SYNJ2: variants seen among roughly 807,000 people sequenced by gnomAD.
SYNJ2 encodes the protein synaptojanin 2.
Under a neutral mutation model 141.3 loss-of-function variants are expected in SYNJ2, and 116 were observed. The observed-to-expected ratio is 0.82, with a 90% CI of 0.71 to 0.96. The LOEUF (loss-of-function observed/expected upper bound fraction) is 0.96. Ranked by LOEUF, SYNJ2 falls within the 40% of genes least tolerant of loss-of-function variation. The probability of loss-of-function intolerance (pLI) is 0.00; values close to 1 mark genes in which losing one functional copy is unlikely to be tolerated. For missense variants in SYNJ2, 1,873 were observed against 1,934.8 expected, an observed-to-expected ratio of 0.97 and a Z score of 0.60; for synonymous variants, 745 against 777.7, an observed-to-expected ratio of 0.96 and a Z score of 0.70.
intron 11 of SYNJ2, among the ~76,000 whole-genome samples, chr6:158,065,833 A>G (rs1045079951): frequency 4.6e-5 from 7 of 152,236 alleles, no homozygotes; most frequent in African/African-American, 9.6e-5. Context: ...ATAGCAAGGC[A>G]GACATGAGTT....
At chr6:158,016,783 C>T (rs1778476644) in intron 1 of SYNJ2, among the ~76,000 whole-genome samples, 1 of 152,198 alleles carries the variant, frequency 6.6e-6, no homozygotes, top group Non-Finnish European at 1.5e-5. Context: ...ACTCAGGCAC[C>T]TCTGCCCAGT....
intron 2 of SYNJ2, among the ~76,000 whole-genome samples, chr6:158,022,078 G>A (rs572127680): frequency 1.5e-3 from 222 of 152,326 alleles, no homozygotes; most frequent in Non-Finnish European, 2.4e-3. Flanking sequence ...AGACCATGCC[G>A]CATGGGCACA....
intron 4 of SYNJ2, among the ~76,000 whole-genome samples, chr6:158,042,377 C>G (rs923849801): frequency 6.6e-6 from 1 of 152,232 alleles, no homozygotes; most frequent in African/African-American, 2.4e-5. Flanking sequence ...CAGAATGACT[C>G]ATTCCTGTGT....
rs573785636 is a variant in SYNJ2, at chr6:158,060,127, C to T, written c.954+774C>T. Among the ~76,000 whole-genome samples, 9 of 152,306 alleles carry T rather than the reference C, an allele frequency of 5.9e-5. No homozygotes were observed. The East Asian group carries it at 7.7e-4, about 13-fold the overall frequency. On this transcript the variant is annotated intron_variant, in intron 7 of 26. Transcript: ENST00000355585. ...ACTTCGGTGGCTTTCCCCTGCTTGCCGGCTGGCCTTCAAATTTCCCCCTCT... is the reference window on the plus strand; with the variant it reads ...ACTTCGGTGGCTTTCCCCTGCTTGCTGGCTGGCCTTCAAATTTCCCCCTCT...
intron 2 of SYNJ2, chr6:158,017,821 C>A (rs762299931): frequency 3.8e-6 from 2 of 528,590 alleles, no homozygotes; most frequent in South Asian, 2.8e-5. Context: ...TTGTCACCTG[C>A]CTGTGCTGGG....
intron 2 of SYNJ2, 144 bp downstream of exon 2, chr6:158,017,434 G>A (rs780362700): frequency 3.6e-5 from 41 of 1,130,302 alleles, no homozygotes; most frequent in Non-Finnish European, 4.4e-5. Flanking sequence ...TTTTCTCCGA[G>A]ATAGAGTTTT....
intron 9 of SYNJ2, among the ~76,000 whole-genome samples, chr6:158,064,266 C>T: frequency 6.6e-6 from 1 of 151,592 alleles, no homozygotes; most frequent in Non-Finnish European, 1.5e-5. Flanking sequence ...CCTGGTTGAC[C>T]TCTCCTGGCT....
chr6:158,025,617 A>G (rs1207137507), intron 2 of SYNJ2, among the ~76,000 whole-genome samples: 1 of 151,998 alleles, frequency 6.6e-6, no homozygotes, highest in Non-Finnish European at 1.5e-5. Context: ...CTGAGATTGC[A>G]CCACTCCACT....
chr6:158,093,513 C>T (rs1028023761), intron 26 of SYNJ2, among the ~76,000 whole-genome samples: 14 of 152,022 alleles, frequency 9.2e-5, no homozygotes, highest in Non-Finnish European at 5.9e-5. Context: ...GACATCCTCA[C>T]GTTCATGAGT....
chr6:158,066,308 C>A, intron 11 of SYNJ2, 136 bp from the exon 12 acceptor site: 1 of 971,718 alleles, frequency 1.0e-6, no homozygotes, highest in Non-Finnish European at 1.5e-6. Context: ...TTGTCGTCTT[C>A]GTAAGGAGCA....
intron 2 of SYNJ2, 64 bp from the exon 3 acceptor site, chr6:158,028,692 C>G: frequency 1.3e-6 from 2 of 1,578,424 alleles, no homozygotes; most frequent in Non-Finnish European, 1.7e-6. Context: ...CATTTGTCCC[C>G]TTGGAGCTCC....
Position 157,985,405 on chromosome 6 carries a change from A to C in SYNJ2, c.127+3317A>C, listed in dbSNP as rs534124873. Among the ~76,000 whole-genome samples the C allele has an allele frequency of 3.3e-5, 5 of 152,144 alleles. No homozygotes were observed. In the South Asian group the frequency reaches 6.2e-4, roughly 19 times the overall value. On this transcript the variant is annotated intron_variant, in intron 1 of 26. Transcript: ENST00000355585. ...TTTTATGTAGATCAGTGGGAGCAAA[A>C]ATTCCAGAGGCAGAAAAGCCAAATG...
At chr6:157,992,649 C>T (rs1178669683) in intron 1 of SYNJ2, among the ~76,000 whole-genome samples, 4 of 152,108 alleles carry the variant, frequency 2.6e-5, no homozygotes, top group South Asian at 2.1e-4. Context: ...CCACCCGCCT[C>T]GGCCTCCCAA....
rs527274748 is a variant in SYNJ2, at chr6:158,009,230, A to G, written c.128-7974A>G. 3.3e-5 allele frequency among the ~76,000 whole-genome samples: 5 copies of G among 152,132 alleles called. No homozygotes were observed. In the East Asian group the frequency reaches 9.7e-4, roughly 29 times the overall value. The stretch of plus-strand genomic sequence containing the variant: ...CTGCTCCGCGCCTGTCACTGTCTAT[A>G]TTGCACTGATTGATCTTATCTATCC... On this transcript the variant is annotated intron_variant, in intron 1 of 26. Transcript: ENST00000355585.
intron 4 of SYNJ2, among the ~76,000 whole-genome samples, chr6:158,042,320 C>T (rs1024785152): frequency 6.6e-6 from 1 of 152,230 alleles, no homozygotes; most frequent in Non-Finnish European, 1.5e-5. Context: ...TCCTGTAATT[C>T]CTGTGGCCCA....
intron 1 of SYNJ2, among the ~76,000 whole-genome samples, chr6:157,995,634 C>T (rs1777608284): frequency 1.3e-5 from 2 of 152,166 alleles, no homozygotes; most frequent in Admixed American, 6.5e-5. Flanking sequence ...GTTTGGCATG[C>T]GCCAGGAGAC....
rs201596005 is a variant in SYNJ2, at chr6:158,078,231, T to C, written c.2517T>C (p.Pro839=). Residue 839 remains proline (P), a synonymous_variant, in exon 18 of 27, where the codon CCT becomes CCC. Transcript: ENST00000355585. ...CCAAAGTCAGACACACCTGGTCTCC[T>C]GGTGCCCTGCAGTATTATGGTCGTG... ...VDTKVRHTWS[P]GALQYYGRAE... is the part of the protein sequence containing the mutation. 18 of 1,613,970 alleles carry C rather than the reference T, an allele frequency of 1.1e-5. No homozygotes were observed. The highest frequency in any genetic ancestry group is 1.4e-5 in the Non-Finnish European group (17 of 1,179,942).
chr6:158,038,392 C>T (rs1486989458), intron 4 of SYNJ2, among the ~76,000 whole-genome samples: 7 of 152,212 alleles, frequency 4.6e-5, no homozygotes, highest in African/African-American at 1.7e-4. Flanking sequence ...ATGCTGCCCC[C>T]GCCCCACCTA....
rs1323056087 is a variant in SYNJ2, at chr6:158,069,681, C to T, written c.1940+8C>T. Reference sequence around the variant, plus strand: ...CCATGTCCCGTTCATCAGGTAAGAACATTCTGTTTACACACATCTGGGGAA... The same window carrying T: ...CCATGTCCCGTTCATCAGGTAAGAATATTCTGTTTACACACATCTGGGGAA... On this transcript the variant is annotated splice_region_variant and intron_variant, in intron 14 of 26. Coordinates refer to ENST00000355585, the MANE Select transcript of SYNJ2 (RefSeq NM_003898.4). 2.5e-6 allele frequency: 4 copies of T among 1,606,396 alleles called. No homozygotes were observed. Among genetic ancestry groups the T allele is most frequent in the Middle Eastern group, 1.7e-4 (1 of 6,060 alleles).
Sources: allele counts gnomAD v4.1 joint callset (sites outside exome capture counted in the v4.1 genomes callset), GRCh38; gene constraint gnomAD v4.1.1; transcripts MANE v1.5; gene names NCBI Gene and HGNC (gene_info 2026-07-23, HGNC 2026-07-21).